The following PRUNE2 variants were observed in gnomAD, a reference collection of about 807,000 sequenced individuals.
PRUNE2 encodes protein prune homolog 2.
In PRUNE2, 164 loss-of-function variants were observed where a neutral mutation model predicts 252.0. The observed-to-expected ratio is 0.65, with a 90% CI of 0.57 to 0.74. The LOEUF (loss-of-function observed/expected upper bound fraction) is 0.74. Ranked by LOEUF, PRUNE2 falls within the 30% of genes least tolerant of loss-of-function variation. The probability of loss-of-function intolerance (pLI) is 0.00; values close to 1 mark genes in which losing one functional copy is unlikely to be tolerated. For missense variants in PRUNE2, 3,495 were observed against 3,711.0 expected (o/e 0.94, Z 1.51); for synonymous variants, 1,292 against 1,350.2 (o/e 0.96, Z 0.94).
chr9:76,877,339 T>C (rs2061532237), intron 1 of PRUNE2, among the ~76,000 whole-genome samples: 1 of 152,090 alleles, frequency 6.6e-6, no homozygotes, highest in Non-Finnish European at 1.5e-5. Context: ...ACCCCATCTC[T>C]ACTAAAAATA....
chr9:76,904,214 A>G (rs985482207), intron 1 of PRUNE2, among the ~76,000 whole-genome samples: 3 of 152,014 alleles, frequency 2.0e-5, no homozygotes, highest in African/African-American at 7.3e-5. Flanking sequence ...TATTTCAAAC[A>G]ACCGCTTCTC....
chr9:76,683,199 T>C (rs571300157), intron 9 of PRUNE2, among the ~76,000 whole-genome samples: 8 of 152,290 alleles, frequency 5.3e-5, no homozygotes, highest in African/African-American at 1.9e-4. Context: ...CCAGAGTGAT[T>C]GGTTCCACGA....
chr9:76,641,254 G>A (rs907671588), intron 12 of PRUNE2, among the ~76,000 whole-genome samples: 2 of 152,264 alleles, frequency 1.3e-5, no homozygotes, highest in South Asian at 2.1e-4. Flanking sequence ...GGGCAGAGAA[G>A]CTTTAAGAAG....
At chr9:76,770,328 G>A in intron 6 of PRUNE2, among the ~76,000 whole-genome samples, 1 of 152,044 alleles carries the variant, frequency 6.6e-6, no homozygotes, top group Non-Finnish European at 1.5e-5. Context: ...ATACTTTTGG[G>A]AATGAGAATT....
chr9:76,659,427 T>A (rs1425917196), intron 9 of PRUNE2, among the ~76,000 whole-genome samples: 1 of 152,224 alleles, frequency 6.6e-6, no homozygotes, highest in South Asian at 2.1e-4. Flanking sequence ...CTTTTAAATA[T>A]TCTATAAGAC....
chr9:76,655,928 T>C (rs1476232317), intron 9 of PRUNE2, among the ~76,000 whole-genome samples: 4 of 152,240 alleles, frequency 2.6e-5, no homozygotes, highest in Non-Finnish European at 5.9e-5. Context: ...GAGCATATTC[T>C]GTTGATCTCA....
chr9:76,765,931 C>T lies in PRUNE2; in HGVS notation c.757-52210G>A, dbSNP rs144750651. Among the ~76,000 whole-genome samples, 6 of 152,090 alleles carry T rather than the reference C, an allele frequency of 3.9e-5. No individual in the cohort carries two copies. In the East Asian group the frequency reaches 1.2e-3, roughly 30 times the overall value. ...GACGCGGTGGCTCACGCCTATAATC[C>T]CAGTACTTTGGGAGGCCAAGGCAGG... On this transcript the variant is annotated intron_variant, in intron 6 of 18. Transcript: ENST00000376718.
At chr9:76,897,390 CTTTTTTTTTTTTTTTTTTTTTTTTT>C (rs55702049) in intron 1 of PRUNE2, among the ~76,000 whole-genome samples, 2 of 56,252 alleles carry the variant, frequency 3.6e-5, no homozygotes, top group East Asian at 5.3e-4. Context: ...AGGCAAACCT[CTTTTTTTTTTTTTTTTTTTTTTTTT>C]TTTTTTTTTT....
chr9:76,883,856 C>CT (rs1246433166), intron 1 of PRUNE2, among the ~76,000 whole-genome samples: 1 of 152,194 alleles, frequency 6.6e-6, no homozygotes, highest in Non-Finnish European at 1.5e-5. Context: ...TGAATCTAGA[C>CT]TTGCCTTGTG....
intron 17 of PRUNE2, among the ~76,000 whole-genome samples, chr9:76,623,280 A>G (rs1833147808): frequency 6.6e-6 from 1 of 151,798 alleles, no homozygotes; most frequent in Non-Finnish European, 1.5e-5. Context: ...CTTGGAAACG[A>G]GAAAAGAGAA....
At chr9:76,878,509 A>G (rs1375505083) in intron 1 of PRUNE2, among the ~76,000 whole-genome samples, 3 of 152,202 alleles carry the variant, frequency 2.0e-5, no homozygotes, top group African/African-American at 7.2e-5. Context: ...TCTGTTGACT[A>G]TTCACTAAGA....
At chr9:76,757,881 T>C (rs1162285295) in intron 6 of PRUNE2, among the ~76,000 whole-genome samples, 1 of 152,152 alleles carries the variant, frequency 6.6e-6, no homozygotes, top group Non-Finnish European at 1.5e-5. Context: ...AAAGAGAGAT[T>C]AGAATAGATC....
At position 76,709,449 on chromosome 9, in the gene PRUNE2, A is replaced by G. The variant is rs1179336947; in HGVS notation, c.2825T>C (p.Leu942Ser). The G allele has an allele frequency of 6.2e-7, 1 of 1,613,852 alleles. No individual in the cohort carries two copies. The highest frequency in any genetic ancestry group is 8.5e-7 in the Non-Finnish European group (1 of 1,179,852). Residue 942 changes from leucine (L) to serine (S), a missense_variant, in exon 8 of 19, where the codon TTA becomes TCA. By Grantham distance (145) the Leu-to-Ser change is moderately radical. Transcript: ENST00000376718. ...DVLVPWEDSF[L>S]SYKCSDYSAS... ...ACTGTAATCAGAACATTTGTAAGAT[A>G]AGAAGGAATCTTCCCAAGGAACTAG...
chr9:76,645,928 A>C (rs192466938), intron 11 of PRUNE2, among the ~76,000 whole-genome samples: 78 of 152,328 alleles, frequency 5.1e-4, no homozygotes, highest in Non-Finnish European at 9.7e-4. Flanking sequence ...ACCAGGTACT[A>C]GTTGGTATTA....
At chr9:76,716,309 G>A (rs1159636277) in intron 6 of PRUNE2, among the ~76,000 whole-genome samples, 1 of 152,188 alleles carries the variant, frequency 6.6e-6, no homozygotes, top group Non-Finnish European at 1.5e-5. Flanking sequence ...GCATCTTGTT[G>A]GAAATGCAGA....
chr9:76,638,352 C>T, intron 12 of PRUNE2, 64 bp from the exon 13 acceptor site: 2 of 1,080,902 alleles, frequency 1.9e-6, no homozygotes, highest in Non-Finnish European at 2.8e-6. Context: ...AATATCTGAC[C>T]TAATGGATAA....
chr9:76,838,898 C>T (rs1215618165), intron 4 of PRUNE2, among the ~76,000 whole-genome samples: 1 of 152,012 alleles, frequency 6.6e-6, no homozygotes, highest in East Asian at 1.9e-4. Context: ...TTTACATGTC[C>T]TTTTATACAC....
At chr9:76,726,317 G>A (rs1049487830) in intron 6 of PRUNE2, among the ~76,000 whole-genome samples, 4 of 152,204 alleles carry the variant, frequency 2.6e-5, no homozygotes, top group African/African-American at 9.7e-5. Context: ...TCACTTCCTA[G>A]AAGAGGGATG....
intron 7 of PRUNE2, among the ~76,000 whole-genome samples, chr9:76,712,021 G>A (rs2046772980): frequency 6.6e-6 from 1 of 152,132 alleles, no homozygotes; most frequent in South Asian, 2.1e-4. Flanking sequence ...TTTAAGGAAT[G>A]TCAGGAGTAT....
Sources: allele counts gnomAD v4.1 joint callset (sites outside exome capture counted in the v4.1 genomes callset), GRCh38; gene constraint gnomAD v4.1.1; transcripts MANE v1.5; gene names NCBI Gene and HGNC (gene_info 2026-07-23, HGNC 2026-07-21).